Variants in NXPH1 observed in about 807,000 individuals in gnomAD.
NXPH1 encodes the protein neurexophilin 1.
A neutral mutation model predicts 23.7 loss-of-function variants in NXPH1; 5 were observed. That is an observed-to-expected ratio of 0.21 (90% CI 0.11 to 0.44). The LOEUF (loss-of-function observed/expected upper bound fraction) is 0.44, where lower values mean the gene tolerates loss of function less well. Ranked by LOEUF, NXPH1 falls within the 20% of genes least tolerant of loss-of-function variation. The pLI, the probability that NXPH1 is intolerant of heterozygous loss-of-function variation, is 0.99. For missense variants in NXPH1, 324 were observed against 321.6 expected, an observed-to-expected ratio of 1.01 and a Z score of -0.06; for synonymous variants, 144 against 122.2, an observed-to-expected ratio of 1.18 and a Z score of -1.18.
chr7:8,528,286 G>T (rs1182179240), intron 2 of NXPH1, among the ~76,000 whole-genome samples: 2 of 152,244 alleles, frequency 1.3e-5, no homozygotes. Context: ...TACCTGGGCT[G>T]CTTGCTGAGG....
At chr7:8,585,644 T>C (rs902856869) in intron 2 of NXPH1, among the ~76,000 whole-genome samples, 7 of 152,240 alleles carry the variant, frequency 4.6e-5, no homozygotes, top group African/African-American at 1.7e-4. Context: ...GGTAATATGA[T>C]ATGTTTTGGC....
At chr7:8,621,490 C>CTTTTTTT (rs113473603) in intron 2 of NXPH1, among the ~76,000 whole-genome samples, 1 of 140,256 alleles carries the variant, frequency 7.1e-6, no homozygotes, top group Admixed American at 7.5e-5. Flanking sequence ...GCTAGCCACT[C>CTTTTTTT]TTTTTTTTTT....
chr7:8,751,328 T>C lies in NXPH1; in HGVS notation c.375T>C (p.His125=). The C allele has an allele frequency of 6.2e-7, 1 of 1,613,950 alleles. No individual in the cohort carries two copies. Among genetic ancestry groups the C allele is most frequent in the Non-Finnish European group, 8.5e-7 (1 of 1,179,868 alleles). Residue 125 remains histidine, a synonymous_variant, in exon 3 of 3, where the codon CAT becomes CAC. Transcript: ENST00000405863. The surrounding 1 kb of genome is among the most constrained non-coding windows in gnomAD (Gnocchi z 4.5). ...AAATGTTTGGATGGGGCGATTTTCA[T>C]TCCAACATCAAAACAGTGAAGCTGA... ...FKKMFGWGDF[H]SNIKTVKLNL...
rs80044379 is a variant in NXPH1 at position 8,726,189 on chromosome 7, C to A, written c.55-24819C>A. On this transcript the variant is annotated intron_variant, in intron 2 of 2. Coordinates refer to ENST00000405863, the MANE Select transcript of NXPH1 (RefSeq NM_152745.3). ...AACATCTGTATGTATATTATTAATA[C>A]CAGTGGCTAATAGGTACAAATGTCT... 7.9e-5 allele frequency among the ~76,000 whole-genome samples: 12 copies of A among 151,548 alleles called. No homozygotes were observed. The East Asian group carries it at 2.1e-3, about 27-fold the overall frequency.
intron 2 of NXPH1, among the ~76,000 whole-genome samples, chr7:8,590,988 A>G (rs776456407): frequency 1.3e-5 from 2 of 152,100 alleles, no homozygotes; most frequent in Non-Finnish European, 2.9e-5. Flanking sequence ...ACACAATAGC[A>G]TGCCAGAAGC....
At chr7:8,704,119 T>C (rs949324102) in intron 2 of NXPH1, among the ~76,000 whole-genome samples, 5 of 152,172 alleles carry the variant, frequency 3.3e-5, no homozygotes, top group African/African-American at 9.7e-5. Context: ...ATGGTTAAAT[T>C]GGCAGAAATT....
At position 8,718,313 on chromosome 7, in the gene NXPH1, A is replaced by C. The variant is rs190772315; in HGVS notation, c.55-32695A>C. On this transcript the variant is annotated intron_variant, in intron 2 of 2. Transcript: ENST00000405863. ...GCACTCTACTGAAGACCGCAAACCA[A>C]TATTAATAAAGTAGGCTTAGAGCAG... Among the ~76,000 whole-genome samples the C allele has an allele frequency of 3.9e-5, 6 of 152,306 alleles. 1 individual carries two copies. The highest frequency in any genetic ancestry group is 3.9e-4 in the Admixed American group (6 of 15,286).
rs1818079672 is a variant in NXPH1 at position 8,539,572 on chromosome 7, A to G, written c.54+103805A>G. Among the ~76,000 whole-genome samples, 2 of 151,874 alleles carry G rather than the reference A, an allele frequency of 1.3e-5. 1 individual carries two copies. Among genetic ancestry groups the G allele is most frequent in the South Asian group, 4.1e-4 (2 of 4,834 alleles). On this transcript the variant is annotated intron_variant, in intron 2 of 2. Transcript: ENST00000405863. ...AGACTTTCACAGTGGTTGCAGAACT[A>G]CAACCCTCACATATTATGTATAAGG...
At chr7:8,555,196 G>A (rs1034837705) in intron 2 of NXPH1, among the ~76,000 whole-genome samples, 3 of 151,678 alleles carry the variant, frequency 2.0e-5, no homozygotes, top group Non-Finnish European at 3.0e-5. Context: ...AAACTAACAC[G>A]CAACTGATAG....
At chr7:8,483,793 G>A (rs989007126) in intron 2 of NXPH1, among the ~76,000 whole-genome samples, 1 of 152,056 alleles carries the variant, frequency 6.6e-6, no homozygotes, top group South Asian at 2.1e-4. Context: ...TAGACCAGAT[G>A]TTCTCCAAGG....
intron 2 of NXPH1, among the ~76,000 whole-genome samples, chr7:8,489,115 G>A (rs979523916): frequency 1.3e-5 from 2 of 152,102 alleles, no homozygotes; most frequent in African/African-American, 4.8e-5. Flanking sequence ...AGAATTTCAT[G>A]TGATTGGCTG....
chr7:8,672,725 T>G (rs998138116), intron 2 of NXPH1, among the ~76,000 whole-genome samples: 3 of 152,208 alleles, frequency 2.0e-5, no homozygotes, highest in Non-Finnish European at 2.9e-5. Flanking sequence ...GGTTTCAACT[T>G]ATACGAACAC....
rs527442980 is a variant in NXPH1, at chr7:8,655,054, C to G, written c.55-95954C>G. 3.3e-5 allele frequency among the ~76,000 whole-genome samples: 5 copies of G among 152,168 alleles called. No individual in the cohort carries two copies. In the East Asian group the frequency reaches 9.7e-4, roughly 29 times the overall value. ...GTAAGATTCCCCACTGTGTCTTTTT[C>G]TTTTTCCTAGAAATTGACCAATTTC... On this transcript the variant is annotated intron_variant, in intron 2 of 2. Coordinates refer to ENST00000405863, the MANE Select transcript of NXPH1 (RefSeq NM_152745.3).
intron 2 of NXPH1, among the ~76,000 whole-genome samples, chr7:8,532,425 C>T (rs1000614350): frequency 7.8e-6 from 1 of 128,186 alleles, no homozygotes; most frequent in East Asian, 2.3e-4. Context: ...CTTATTGGAG[C>T]AATACTCTCA....
intron 2 of NXPH1, among the ~76,000 whole-genome samples, chr7:8,616,075 A>C (rs1819729723): frequency 6.6e-6 from 1 of 152,066 alleles, no homozygotes; most frequent in East Asian, 1.9e-4. Context: ...TGACTTCATT[A>C]CATCTCACTC....
chr7:8,572,101 A>G lies in NXPH1; in HGVS notation c.54+136334A>G, dbSNP rs984002760. Among the ~76,000 whole-genome samples the G allele has an allele frequency of 2.0e-4, 31 of 151,960 alleles. 1 individual carries two copies. Among genetic ancestry groups the G allele is most frequent in the African/African-American group, 7.2e-4 (30 of 41,406 alleles). On this transcript the variant is annotated intron_variant, in intron 2 of 2. Transcript: ENST00000405863. ...TTAAATCTGAATCTTAGATGAACAC[A>G]AATAATTTTTTAGTATGTCTTAAAT...
intron 2 of NXPH1, among the ~76,000 whole-genome samples, chr7:8,648,392 A>C (rs1820429892): frequency 6.6e-6 from 1 of 152,100 alleles, no homozygotes; most frequent in South Asian, 2.1e-4. Flanking sequence ...TTTAGATCCC[A>C]CAGATAAGTG....
chr7:8,657,982 C>T (rs372503168), intron 2 of NXPH1, among the ~76,000 whole-genome samples: 163 of 152,238 alleles, frequency 1.1e-3, no homozygotes, highest in African/African-American at 3.8e-3. Context: ...GAGCCGAGAT[C>T]GTGCCACTGC....
At chr7:8,529,781 T>C (rs1817922552) in intron 2 of NXPH1, among the ~76,000 whole-genome samples, 1 of 152,118 alleles carries the variant, frequency 6.6e-6, no homozygotes, top group Admixed American at 6.5e-5. Flanking sequence ...ATTTTTATTA[T>C]TACCTCCTTT....
Sources: allele counts gnomAD v4.1 joint callset (sites outside exome capture counted in the v4.1 genomes callset), GRCh38; gene constraint gnomAD v4.1.1; non-coding constraint Gnocchi (gnomAD v3.1); transcripts MANE v1.5; gene names NCBI Gene and HGNC (gene_info 2026-07-23, HGNC 2026-07-21).